Variants in NEB observed in about 807,000 individuals in gnomAD.
The protein encoded by NEB is nemaline myopathy type 2.
Under a neutral mutation model 952.2 loss-of-function variants are expected in NEB, and 512 were observed. The ratio of observed to expected loss-of-function variants is 0.54; its 90% CI spans 0.50 to 0.58. NEB has a LOEUF of 0.58. NEB is among the 20% of genes least tolerant of loss of function. NEB has a pLI of 0.00. For missense variants in NEB, 8,428 were observed against 9,231.1 expected (o/e 0.91, Z 3.56); for synonymous variants, 2,900 against 3,149.8 (o/e 0.92, Z 2.66).
At chr2:151,538,788 T>A (rs1039829164) in intron 138 of NEB, among the ~76,000 whole-genome samples, 11 of 152,204 alleles carry the variant, frequency 7.2e-5, no homozygotes, top group Non-Finnish European at 1.3e-4. Flanking sequence ...CATTATAATC[T>A]TTATCTTTGT....
At chr2:151,709,965 T>C (rs544442915) in intron 11 of NEB, among the ~76,000 whole-genome samples, 1 of 152,234 alleles carries the variant, frequency 6.6e-6, no homozygotes, top group South Asian at 2.1e-4. Context: ...TAAAATAGGC[T>C]AAAAACAGAA....
intron 181 of NEB, among the ~76,000 whole-genome samples, chr2:151,487,045 TTGTG>T (rs568565482): frequency 2.3e-4 from 35 of 151,722 alleles, no homozygotes; most frequent in South Asian, 6.4e-4. Context: ...ATGCATGAAA[TTGTG>T]TGTGTGTGCG....
intron 41 of NEB, 116 bp downstream of exon 41, chr2:151,665,974 T>G: frequency 9.2e-7 from 1 of 1,088,892 alleles, no homozygotes; most frequent in Non-Finnish European, 1.3e-6. Flanking sequence ...AACTCTGAGT[T>G]CTGGAGGGAA....
At chr2:151,542,961 C>T (rs1399393138) in intron 135 of NEB, among the ~76,000 whole-genome samples, 1 of 152,226 alleles carries the variant, frequency 6.6e-6, no homozygotes, top group African/African-American at 2.4e-5. Flanking sequence ...GTCCCAGTTA[C>T]TGGAACTCAT....
intron 119 of NEB, 71 bp downstream of exon 119, chr2:151,563,535 G>A: frequency 7.4e-7 from 1 of 1,359,114 alleles, no homozygotes; most frequent in Admixed American, 1.7e-5. Context: ...CAAAGGGCAA[G>A]TTATAAACAG....
intron 163 of NEB, 69 bp from the exon 164 acceptor site, chr2:151,506,327 CT>C: frequency 8.5e-7 from 1 of 1,174,636 alleles, no homozygotes; most frequent in Non-Finnish European, 1.2e-6. Flanking sequence ...TGGAGAAAGA[CT>C]AGGACACATG....
chr2:151,713,598 T>TTAA (rs1553650256), intron 10 of NEB, among the ~76,000 whole-genome samples: 56 of 152,300 alleles, frequency 3.7e-4, no homozygotes, highest in African/African-American at 1.3e-3. Flanking sequence ...AATCTCATAT[T>TTAA]TTTTCTTTTG....
chr2:151,625,965 C>G (rs1260479049), intron 70 of NEB, among the ~76,000 whole-genome samples: 1 of 152,136 alleles, frequency 6.6e-6, no homozygotes, highest in East Asian at 1.9e-4. Context: ...ATATTCACAT[C>G]CATATCTGTA....
chr2:151,692,123 T>A lies in NEB; in HGVS notation c.2042A>T (p.Tyr681Phe), dbSNP rs770440960. ...DLYVKDVLGH[Y>F]VGSMEDPYHT... ...ATATGGGTCCTCCATGCTGCCTACATAATGTCCCAAAACATCCTTTACATA... is the reference window on the plus strand; with the variant it reads ...ATATGGGTCCTCCATGCTGCCTACAAAATGTCCCAAAACATCCTTTACATA... Residue 681 changes from tyrosine to phenylalanine, a missense_variant, in exon 22 of 182, where the codon TAT becomes TTT. By Grantham distance (22) the Tyr-to-Phe change is conservative (BLOSUM62 3). Coordinates refer to ENST00000397345, the MANE Select transcript of NEB (RefSeq NM_001164508.2). 1 of 1,613,968 alleles carries A rather than the reference T, an allele frequency of 6.2e-7. No homozygotes were observed. The highest frequency in any genetic ancestry group is 8.5e-7 in the Non-Finnish European group (1 of 1,179,852).
At chr2:151,486,645 C>T (rs148992164) in intron 181 of NEB, 38 of 152,166 alleles carry the variant, frequency 2.5e-4, no homozygotes, top group African/African-American at 8.9e-4. Context: ...CTGGTATATC[C>T]ATACAGATCT....
At position 151,654,003 on chromosome 2, in the gene NEB, T is replaced by C; in HGVS notation, c.6904A>G (p.Ile2302Val). Residue 2302 changes from isoleucine (I) to valine (V), a missense_variant, in exon 52 of 182, where the codon ATT becomes GTT. Around this residue, in one of 11 missense-constraint regions of NEB, gnomAD observed 2,851 missense variants for 2,791.5 expected, o/e 1.02. Transcript: ENST00000397345. ...SVQLAKASRD[I>V]ASDYKYKQGY... Reference sequence around the variant, plus strand: ...AAACTAGTACTCACATCACTAGCAATGTCTCTTGAAGCTTTAGCTAGCTGT... The same window carrying C: ...AAACTAGTACTCACATCACTAGCAACGTCTCTTGAAGCTTTAGCTAGCTGT... 14 of 1,610,376 alleles carry C rather than the reference T, an allele frequency of 8.7e-6. No homozygotes were observed. Among genetic ancestry groups the C allele is most frequent in the Non-Finnish European group, 1.2e-5 (14 of 1,177,036 alleles).
At chr2:151,595,160 AT>A (rs2097392158) in intron 92 of NEB, among the ~76,000 whole-genome samples, 1 of 140,704 alleles carries the variant, frequency 7.1e-6, no homozygotes, top group Non-Finnish European at 1.5e-5. Flanking sequence ...CATGATGAAA[AT>A]CAGAGAAGAA....
At chr2:151,498,959 G>A (rs1051381423) in intron 169 of NEB, among the ~76,000 whole-genome samples, 2 of 151,948 alleles carry the variant, frequency 1.3e-5, no homozygotes, top group Admixed American at 6.6e-5. Flanking sequence ...AATAAGAAAC[G>A]AGGATAATAG....
intron 157 of NEB, among the ~76,000 whole-genome samples, chr2:151,515,542 G>C (rs888095348): frequency 2.6e-5 from 4 of 152,070 alleles, no homozygotes; most frequent in African/African-American, 9.7e-5. Flanking sequence ...TCACTGAATA[G>C]CTTAGGTGGG....
chr2:151,494,201 T>G lies in NEB; in HGVS notation c.24539A>C (p.Glu8180Ala). Residue 8180 changes from glutamate (E) to alanine (A), a missense_variant, in exon 174 of 182, where the codon GAG becomes GCG. Glu to Ala is a moderately radical substitution (Grantham distance 107, BLOSUM62 -1). Transcript: ENST00000397345. ...TTGATTGCGTTTGACTCTCTGCATC[T>G]CAGGAGTGACAGGGGTTGCGGTGGC... ...GKATATPVTP[E>A]MQRVKRNQEN... The G allele has an allele frequency of 6.2e-7, 1 of 1,608,642 alleles. No individual in the cohort carries two copies. Among genetic ancestry groups the G allele is most frequent in the Non-Finnish European group, 8.5e-7 (1 of 1,177,152 alleles).
chr2:151,715,618 G>A (rs1480569192), intron 10 of NEB, among the ~76,000 whole-genome samples: 3 of 152,234 alleles, frequency 2.0e-5, no homozygotes, highest in Non-Finnish European at 4.4e-5. Flanking sequence ...AACACAATGA[G>A]AAGGCAGCTA....
At chr2:151,718,593 C>T (rs2099765784) in intron 9 of NEB, among the ~76,000 whole-genome samples, 2 of 152,176 alleles carry the variant, frequency 1.3e-5, no homozygotes, top group South Asian at 4.1e-4. Context: ...GCGTCTCCCA[C>T]CCCTTCCCTG....
At chr2:151,546,587 T>A (rs2094729565) in intron 133 of NEB, 144 bp from the exon 134 acceptor site, 1 of 570,218 alleles carries the variant, frequency 1.8e-6, no homozygotes, top group African/African-American at 1.9e-5. Flanking sequence ...AGACAGAGTT[T>A]CATTCTTGTT....
At position 151,564,011 on chromosome 2, in the gene NEB, G is replaced by A; in HGVS notation, c.18472-81C>T. ...CACTAAAACAATTGGTCTAATTAAG[G>A]TGAAACATGTATGTTCAAGGCAAGG... is the stretch of plus-strand genomic sequence containing the variant. On this transcript the variant is annotated intron_variant, in intron 117 of 181. Transcript: ENST00000397345. The A allele has an allele frequency of 7.8e-6, 8 of 1,027,072 alleles. No homozygotes were observed. In the South Asian group the frequency reaches 1.2e-4, roughly 16 times the overall value. The allele number at this position is 1,027,072 out of a possible 1,614,324, so 63.6% of individuals were successfully genotyped here. A position where few individuals can be genotyped will look rare whatever the true frequency, so the allele number is the denominator to read the frequency against.
Sources: allele counts gnomAD v4.1 joint callset (sites outside exome capture counted in the v4.1 genomes callset), GRCh38; gene constraint gnomAD v4.1.1; regional missense constraint gnomAD v4.1.1; transcripts MANE v1.5; gene names NCBI Gene and HGNC (gene_info 2026-07-23, HGNC 2026-07-21).